ZNF267: variants seen among roughly 807,000 people sequenced by gnomAD.
The protein encoded by ZNF267 is zinc finger protein 267.
In ZNF267, 61 loss-of-function variants were observed where a neutral mutation model predicts 71.6. The ratio of observed to expected loss-of-function variants is 0.85; its 90% CI spans 0.69 to 1.05. ZNF267 has a LOEUF of 1.05. ZNF267 is among the 50% of genes least tolerant of loss of function. The probability of loss-of-function intolerance (pLI) is 0.00; values close to 1 mark genes in which losing one functional copy is unlikely to be tolerated. For missense variants in ZNF267, 852 were observed against 870.0 expected (o/e 0.98, Z 0.26); for synonymous variants, 288 against 293.2 (o/e 0.98, Z 0.18).
chr16:31,916,730 G>T lies in ZNF267; in HGVS notation c.*249G>T, dbSNP rs542705483. The T allele has an allele frequency of 1.4e-4, 54 of 398,136 alleles. 1 individual carries two copies. The South Asian group carries it at 2.1e-3, about 15-fold the overall frequency. The allele number at this position is 398,136 out of a possible 1,614,324, so 24.7% of individuals were successfully genotyped here. ...TCCATACTAGAGAAACACTATAGATGTAAAAATGTGAAAAGTTTTATTCAA... is the reference window on the plus strand; with the variant it reads ...TCCATACTAGAGAAACACTATAGATTTAAAAATGTGAAAAGTTTTATTCAA... On this transcript the variant is annotated 3_prime_UTR_variant, in exon 4 of 4. Coordinates refer to ENST00000300870, the MANE Select transcript of ZNF267 (RefSeq NM_003414.6).
chr16:31,912,777 G>C (rs936762968), intron 3 of ZNF267: 1 of 151,544 alleles, frequency 6.6e-6, no homozygotes, highest in African/African-American at 2.4e-5. Context: ...TCTTTTGCCT[G>C]ATCAGTTTTG....
At chr16:31,884,424 G>A in intron 1 of ZNF267, 74 bp from the exon 2 acceptor site, 1 of 1,595,758 alleles carries the variant, frequency 6.3e-7, no homozygotes, top group Admixed American at 1.7e-5. Context: ...ACCAATAACT[G>A]TCATTTCATC....
intron 1 of ZNF267, among the ~76,000 whole-genome samples, chr16:31,883,008 A>T (rs1202521534): frequency 6.6e-6 from 1 of 152,172 alleles, no homozygotes; most frequent in African/African-American, 2.4e-5. Flanking sequence ...ACATTTGTTG[A>T]CAGGAGATAA....
chr16:31,884,060 T>C (rs1250533462), intron 1 of ZNF267, among the ~76,000 whole-genome samples: 1 of 152,164 alleles, frequency 6.6e-6, no homozygotes, highest in Non-Finnish European at 1.5e-5. Flanking sequence ...TTAAAAAATA[T>C]GGAAATGCAG....
intron 3 of ZNF267, among the ~76,000 whole-genome samples, chr16:31,895,505 A>T (rs1406884027): frequency 6.6e-6 from 1 of 152,194 alleles, no homozygotes; most frequent in Non-Finnish European, 1.5e-5. Flanking sequence ...GCTGGATCGT[A>T]TGGTACCTCT....
chr16:31,901,054 C>G (rs894553000), intron 3 of ZNF267, among the ~76,000 whole-genome samples: 4 of 152,042 alleles, frequency 2.6e-5, no homozygotes, highest in Middle Eastern at 3.4e-3. Flanking sequence ...TGCGGTGTTT[C>G]GTTTTTTGTC....
In ZNF267 at chr16:31,873,864, G is replaced by C. The variant is rs1333425090; in HGVS notation, c.-103G>C. 6.6e-7 allele frequency: 1 copy of C among 1,525,502 alleles called. No homozygotes were observed. The highest frequency in any genetic ancestry group is 1.7e-5 in the Admixed American group (1 of 59,482). 94.5% of individuals were successfully genotyped at this position (1,525,502 alleles called of 1,614,324 possible). ...GAGTCTTTCGTTCTGGGAGGCCCAG[G>C]CGGCTTCGCGTTCTGAGAATAAACA... On this transcript the variant is annotated 5_prime_UTR_variant, in exon 1 of 4. Transcript: ENST00000300870.
chr16:31,901,700 T>G (rs1163636635), intron 3 of ZNF267, among the ~76,000 whole-genome samples: 1 of 152,222 alleles, frequency 6.6e-6, no homozygotes, highest in African/African-American at 2.4e-5. Flanking sequence ...ATTAGCCCTT[T>G]GTCAGATGAG....
chr16:31,915,415 T>A lies in ZNF267; in HGVS notation c.1166T>A (p.Phe389Tyr). The A allele has an allele frequency of 6.2e-7, 1 of 1,613,762 alleles. No homozygotes were observed. Among genetic ancestry groups the A allele is most frequent in the Non-Finnish European group, 8.5e-7 (1 of 1,179,880 alleles). The change falls in exon 4 of 4, where the codon TTT becomes TAT. Residue 389 changes from phenylalanine (F) to tyrosine (Y), a missense_variant. Physicochemically the swap from Phe to Tyr is conservative, Grantham distance 22. Transcript: ENST00000300870. ...LYKCKACSKSFTRSSNLIVHQ... is the reference protein window; with the variant it reads ...LYKCKACSKSYTRSSNLIVHQ... ...AAATGTAAAGCATGTAGCAAATCTT[T>A]TACTCGTTCCTCCAATCTTATTGTG...
intron 1 of ZNF267, among the ~76,000 whole-genome samples, chr16:31,883,115 A>G (rs2083901005): frequency 6.6e-6 from 1 of 152,232 alleles, no homozygotes; most frequent in South Asian, 2.1e-4. Context: ...TTTATTCTCT[A>G]TATTTTCAGA....
At chr16:31,901,865 T>C (rs1173805502) in intron 3 of ZNF267, among the ~76,000 whole-genome samples, 2 of 152,246 alleles carry the variant, frequency 1.3e-5, no homozygotes, top group East Asian at 1.9e-4. Flanking sequence ...AGGAAGTCCT[T>C]GCCCATGCCT....
At chr16:31,903,652 A>G (rs954459935) in intron 3 of ZNF267, among the ~76,000 whole-genome samples, 1 of 151,878 alleles carries the variant, frequency 6.6e-6, no homozygotes, top group Non-Finnish European at 1.5e-5. Flanking sequence ...GTCATTTTTT[A>G]TTGCATCTAT....
At chr16:31,906,851 A>C (rs559636975) in intron 3 of ZNF267, among the ~76,000 whole-genome samples, 1 of 150,998 alleles carries the variant, frequency 6.6e-6, no homozygotes, top group South Asian at 2.1e-4. Flanking sequence ...TGCAGAAATC[A>C]CCCGTCTTCT....
intron 3 of ZNF267, among the ~76,000 whole-genome samples, chr16:31,906,782 G>A (rs529137407): frequency 4.6e-5 from 7 of 151,956 alleles, no homozygotes; most frequent in East Asian, 2.0e-4. Context: ...TGCACCCACC[G>A]TCCTGCATCC....
At chr16:31,902,280 C>A (rs201086449) in intron 3 of ZNF267, among the ~76,000 whole-genome samples, 1 of 152,082 alleles carries the variant, frequency 6.6e-6, no homozygotes, top group African/African-American at 2.4e-5. Context: ...GATGCAGGCT[C>A]TTATTTGGTT....
intron 3 of ZNF267, among the ~76,000 whole-genome samples, chr16:31,909,601 T>C (rs911540652): frequency 6.6e-6 from 1 of 152,262 alleles, no homozygotes; most frequent in African/African-American, 2.4e-5. Context: ...GAAATGCTAT[T>C]GATGTTTGTA....
Position 31,884,580 on chromosome 16 carries a change from A to G in ZNF267, c.86A>G (p.Tyr29Cys), listed in dbSNP as rs1403208175. Residue 29 changes from tyrosine to cysteine, a missense_variant, in exon 2 of 4, where the codon TAT becomes TGT. Coordinates refer to ENST00000300870, the MANE Select transcript of ZNF267 (RefSeq NM_003414.6). ...CTGGAACCAGCTCAGAAGAATTTGT[A>G]TCAGGATGTGATGTTAGAAAACTAC... Reference protein sequence around the residue: ...EHLEPAQKNLYQDVMLENYRN... With the variant: ...EHLEPAQKNLCQDVMLENYRN... 30 of 1,614,038 alleles carry G rather than the reference A, an allele frequency of 1.9e-5. No individual in the cohort carries two copies. In the East Asian group the frequency reaches 6.5e-4, roughly 35 times the overall value.
At chr16:31,903,114 G>T (rs536564532) in intron 3 of ZNF267, among the ~76,000 whole-genome samples, 1 of 152,276 alleles carries the variant, frequency 6.6e-6, no homozygotes, top group East Asian at 1.9e-4. Flanking sequence ...TTTTGAACCA[G>T]CCTTGCATCC....
chr16:31,895,025 C>G (rs1412914933), intron 3 of ZNF267: 2 of 286,040 alleles, frequency 7.0e-6, no homozygotes, highest in Non-Finnish European at 1.4e-5. Flanking sequence ...TGAAGGGGAG[C>G]CGGACCCATG....
Sources: allele counts gnomAD v4.1 joint callset (sites outside exome capture counted in the v4.1 genomes callset), GRCh38; gene constraint gnomAD v4.1.1; transcripts MANE v1.5; gene names NCBI Gene and HGNC (gene_info 2026-07-23, HGNC 2026-07-21).